RASA2: variants seen among roughly 807,000 people sequenced by gnomAD.
RASA2 encodes the protein RAS p21 protein activator 2.
A neutral mutation model predicts 118.2 loss-of-function variants in RASA2; 155 were observed. That is an observed-to-expected ratio of 1.31 (90% CI 1.15 to 1.50). The LOEUF (loss-of-function observed/expected upper bound fraction) is 1.50, where lower values mean the gene tolerates loss of function less well. Among genes scored for constraint, RASA2 ranks in the 40% most tolerant of loss-of-function variants. The probability of loss-of-function intolerance (pLI) is 0.00; values close to 1 mark genes in which losing one functional copy is unlikely to be tolerated. For synonymous variants in RASA2, 353 were observed against 349.1 expected (o/e 1.01, Z -0.12); for missense variants, 1,016 against 1,009.6 (o/e 1.01, Z -0.09).
intron 3 of RASA2, among the ~76,000 whole-genome samples, chr3:141,527,263 A>T (rs1387653871): frequency 6.6e-6 from 1 of 152,202 alleles, no homozygotes; most frequent in Non-Finnish European, 1.5e-5. Flanking sequence ...CTATATACAT[A>T]TTCATAAATT....
chr3:141,487,069 G>T lies in RASA2; in HGVS notation c.-15G>T, dbSNP rs767937276. 101 of 1,261,914 alleles carry T rather than the reference G, an allele frequency of 8.0e-5. No individual in the cohort carries two copies. In the African/African-American group the frequency reaches 1.3e-3, roughly 17 times the overall value. The allele number at this position is 1,261,914 out of a possible 1,614,324, so 78.2% of individuals were successfully genotyped here. A position where few individuals can be genotyped will look rare whatever the true frequency, so the allele number is the denominator to read the frequency against. On this transcript the variant is annotated 5_prime_UTR_variant, in exon 1 of 24. Coordinates refer to ENST00000286364, the MANE Select transcript of RASA2 (RefSeq NM_006506.5). ...TACGCAGGCGGCAGGGCTGCGGCAC[G>T]GGCCGGGCGGCACCATGGCGGCGGC... is the stretch of plus-strand genomic sequence containing the variant.
intron 23 of RASA2, among the ~76,000 whole-genome samples, chr3:141,610,376 TTA>T (rs2083622846): frequency 1.0e-5 from 1 of 99,246 alleles, no homozygotes; most frequent in Non-Finnish European, 1.9e-5. Context: ...ATATTTATAT[TTA>T]TATATTATAT....
At chr3:141,529,925 A>G (rs1298054683) in intron 4 of RASA2, 123 bp downstream of exon 4, 6 of 728,334 alleles carry the variant, frequency 8.2e-6, no homozygotes, top group African/African-American at 3.6e-5. Context: ...AGCATCAAAT[A>G]TTATAGACTT....
intron 13 of RASA2, among the ~76,000 whole-genome samples, chr3:141,573,740 C>T (rs929493929): frequency 6.6e-6 from 1 of 152,140 alleles, no homozygotes; most frequent in African/African-American, 2.4e-5. Context: ...TTACGCCTAG[C>T]AAATCTAAAT....
In RASA2 at chr3:141,524,253, C is replaced by T. The variant is rs138440827; in HGVS notation, c.356-5455C>T. On this transcript the variant is annotated intron_variant, in intron 3 of 23. Transcript: ENST00000286364. ...TGCTGACTATTAGCTGGACCTTCCT[C>T]ACCACATGGTCTCCTGATTGGTTCT... Among the ~76,000 whole-genome samples the T allele has an allele frequency of 2.4e-3, 360 of 152,256 alleles. 3 individuals are homozygous for T. The highest frequency in any genetic ancestry group is 8.2e-3 in the African/African-American group (339 of 41,548).
chr3:141,609,642 GA>G (rs917623882), intron 22 of RASA2, 119 bp downstream of exon 22: 65 of 908,888 alleles, frequency 7.2e-5, no homozygotes, highest in Admixed American at 1.7e-4. Context: ...GTTATTTATT[GA>G]AAGTTGACAA....
At chr3:141,587,272 G>T (rs2083218887) in intron 19 of RASA2, among the ~76,000 whole-genome samples, 1 of 152,222 alleles carries the variant, frequency 6.6e-6, no homozygotes, top group Non-Finnish European at 1.5e-5. Flanking sequence ...AGAAGACTCT[G>T]TTGCCTTTAC....
chr3:141,586,672 G>C lies in RASA2; in HGVS notation c.1853G>C (p.Arg618Thr). 6.2e-7 allele frequency: 1 copy of C among 1,613,018 alleles called. No homozygotes were observed. The highest frequency in any genetic ancestry group is 8.5e-7 in the Non-Finnish European group (1 of 1,179,214). The part of the protein sequence containing the change: ...EGEMYKRAQG[R>T]TRIGKKNFKK... ...GAGATGTATAAAAGAGCTCAAGGAA[G>C]AACTCGGATTGGAAAAAAGAATTTT... is the stretch of plus-strand genomic sequence containing the variant. Residue 618 changes from arginine to threonine, a missense_variant, in exon 19 of 24, where the codon AGA (arginine) becomes ACA (threonine). Physicochemically the swap from Arg to Thr is moderately conservative, Grantham distance 71. Around this residue, in one of 2 missense-constraint regions of RASA2, gnomAD observed 896 missense variants for 836.4 expected, o/e 1.07. Transcript: ENST00000286364.
chr3:141,571,098 A>C (rs754111220), intron 10 of RASA2, 30 bp downstream of exon 10: 2 of 1,559,630 alleles, frequency 1.3e-6, no homozygotes, highest in East Asian at 4.5e-5. Flanking sequence ...GATATGATTT[A>C]ACACGAAACG....
At chr3:141,491,579 A>C (rs2081640371) in intron 1 of RASA2, among the ~76,000 whole-genome samples, 1 of 152,192 alleles carries the variant, frequency 6.6e-6, no homozygotes, top group Non-Finnish European at 1.5e-5. Flanking sequence ...ATATGAAAGT[A>C]TTTTATAAAT....
chr3:141,577,086 C>T lies in RASA2; in HGVS notation c.1570C>T (p.His524Tyr), dbSNP rs753274678. The stretch of plus-strand genomic sequence containing the variant: ...AGCCGTAGTATCACCTCATACTTTT[C>T]ATTTGCGACCTCATCATCCAGTAAG... ...AVAVVSPHTFHLRPHHPDAQT... is the reference protein window; with the variant it reads ...AVAVVSPHTFYLRPHHPDAQT... The change falls in exon 15 of 24, where the codon CAT becomes TAT. Residue 524 changes from histidine to tyrosine, a missense_variant. By Grantham distance (83) the His-to-Tyr change is moderately conservative. Transcript: ENST00000286364. 6.2e-7 allele frequency: 1 copy of T among 1,600,494 alleles called. No individual in the cohort carries two copies. The highest frequency in any genetic ancestry group is 1.1e-5 in the South Asian group (1 of 90,126).
intron 2 of RASA2, among the ~76,000 whole-genome samples, chr3:141,513,082 AAAAAAACG>A (rs1183031858): frequency 6.4e-4 from 90 of 140,596 alleles, no homozygotes; most frequent in African/African-American, 1.4e-3. Flanking sequence ...AAAAAAAAAC[AAAAAAACG>A]AAAAACAGGG....
intron 19 of RASA2, among the ~76,000 whole-genome samples, chr3:141,598,984 A>G (rs2083419244): frequency 6.6e-6 from 1 of 152,116 alleles, no homozygotes; most frequent in African/African-American, 2.4e-5. Context: ...GTTACTCGGG[A>G]GGCTGAGACA....
chr3:141,504,790 C>T (rs997377781), intron 1 of RASA2, among the ~76,000 whole-genome samples: 7 of 152,108 alleles, frequency 4.6e-5, no homozygotes, highest in Non-Finnish European at 1.0e-4. Context: ...CTTATTTAAC[C>T]TGTCTCCTCC....
intron 19 of RASA2, among the ~76,000 whole-genome samples, chr3:141,594,306 C>CG (rs1159474598): frequency 1.3e-5 from 2 of 151,378 alleles, no homozygotes; most frequent in Admixed American, 6.6e-5. Context: ...GGTAGTCTAA[C>CG]ATATGCATGG....
At chr3:141,487,575 C>T (rs1007895536) in intron 1 of RASA2, among the ~76,000 whole-genome samples, 2 of 151,938 alleles carry the variant, frequency 1.3e-5, no homozygotes, top group Non-Finnish European at 2.9e-5. Flanking sequence ...TGAGGAGCTT[C>T]CGGCCGCCCT....
rs1560018565 is a variant in RASA2 at position 141,540,587 on chromosome 3, G to T, written c.505G>T (p.Val169Leu). Residue 169 changes from valine to leucine, a missense_variant, in exon 5 of 24, where the codon GTA (valine) becomes TTA (leucine). Coordinates refer to ENST00000286364, the MANE Select transcript of RASA2 (RefSeq NM_006506.5). ...LNELITENGT[V>L]CQQLVVHIKA... is the part of the protein sequence containing the mutation. ...TGAACTGATAACGGAGAATGGAACT[G>T]TATGCCAGCAGCTTGTTGTACAGTA... 1 of 1,612,494 alleles carries T rather than the reference G, an allele frequency of 6.2e-7. No individual in the cohort carries two copies.
intron 3 of RASA2, 150 bp from the exon 4 acceptor site, chr3:141,529,558 G>T: frequency 2.1e-6 from 1 of 474,472 alleles, no homozygotes; most frequent in Non-Finnish European, 3.5e-6. Context: ...TTAGAATGTA[G>T]AAAAAATGCT....
At chr3:141,497,703 GAAAA>G (rs36013391) in intron 1 of RASA2, among the ~76,000 whole-genome samples, 1 of 128,308 alleles carries the variant, frequency 7.8e-6, no homozygotes, top group African/African-American at 2.9e-5. Context: ...TTCTACAAAC[GAAAA>G]AAAAAAAAAA....
Sources: allele counts gnomAD v4.1 joint callset (sites outside exome capture counted in the v4.1 genomes callset), GRCh38; gene constraint gnomAD v4.1.1; regional missense constraint gnomAD v4.1.1; transcripts MANE v1.5; gene names NCBI Gene and HGNC (gene_info 2026-07-23, HGNC 2026-07-21).